The following PVT1 variants were observed in gnomAD, a reference collection of about 807,000 sequenced individuals.
PVT1 encodes Pvt1 oncogene, also known as CXCR4/PVT1 fusion.
At chr8:128,091,347 G>T (rs1043725476) in intron 5 of PVT1, among the ~76,000 whole-genome samples, 20 of 152,148 alleles carry the variant, frequency 1.3e-4, no homozygotes, top group African/African-American at 4.8e-4. Flanking sequence ...AGCCTGCACT[G>T]CTATGGGTGA....
At chr8:127,806,240 A>C (rs1368522713) in intron 2 of PVT1, among the ~76,000 whole-genome samples, 1 of 152,150 alleles carries the variant, frequency 6.6e-6, no homozygotes, top group Non-Finnish European at 1.5e-5. Flanking sequence ...AGGCGGGCGG[A>C]TCACAAGGTC....
At chr8:128,036,084 C>T (rs1287476555) in intron 4 of PVT1, among the ~76,000 whole-genome samples, 1 of 152,192 alleles carries the variant, frequency 6.6e-6, no homozygotes, top group African/African-American at 2.4e-5. Context: ...CACCACTTCC[C>T]TAGTGATGAA....
chr8:128,091,430 G>A (rs1441230946), intron 5 of PVT1, among the ~76,000 whole-genome samples: 3 of 152,074 alleles, frequency 2.0e-5, no homozygotes, highest in African/African-American at 4.8e-5. Context: ...ATCCTCCAGC[G>A]CCCACATCAC....
chr8:127,944,578 C>T lies in PVT1; in HGVS notation n.783-44584C>T, dbSNP rs116649914. Among the ~76,000 whole-genome samples, 476 of 149,868 alleles carry T rather than the reference C, an allele frequency of 3.2e-3. 1 individual carries two copies. Among genetic ancestry groups the T allele is most frequent in the African/African-American group, 0.011 (457 of 40,844 alleles). ...CATTTTTTTTTTTTTTAAATGGTGA[C>T]CCAAGTTCCATTATGGACGATCAGG... is the stretch of plus-strand genomic sequence containing the variant. On this transcript the variant is annotated intron_variant and non_coding_transcript_variant, in intron 3 of 10. Transcript: ENST00000651587.
intron 3 of PVT1, among the ~76,000 whole-genome samples, chr8:127,971,992 A>G (rs902951671): frequency 6.6e-6 from 1 of 152,234 alleles, no homozygotes. Context: ...CGCCCTTGGA[A>G]AAGCCAGTCT....
At chr8:127,930,499 A>T (rs1816192937) in intron 3 of PVT1, among the ~76,000 whole-genome samples, 1 of 152,140 alleles carries the variant, frequency 6.6e-6, no homozygotes, top group African/African-American at 2.4e-5. Flanking sequence ...CCGGGTTTGA[A>T]TTCTGACCCT....
At chr8:127,815,102 A>T (rs1814643985) in intron 2 of PVT1, among the ~76,000 whole-genome samples, 1 of 152,020 alleles carries the variant, frequency 6.6e-6, no homozygotes, top group African/African-American at 2.4e-5. Flanking sequence ...AGTAGCTGGG[A>T]TTATAGTCGT....
intron 4 of PVT1, among the ~76,000 whole-genome samples, chr8:128,058,917 C>T (rs1704533835): frequency 1.3e-5 from 2 of 152,188 alleles, no homozygotes; most frequent in South Asian, 4.1e-4. Context: ...TGGCTGTTCT[C>T]AGGCCATCAT....
chr8:128,023,860 A>G (rs1460200772), intron 4 of PVT1, among the ~76,000 whole-genome samples: 1 of 152,236 alleles, frequency 6.6e-6, no homozygotes, highest in African/African-American at 2.4e-5. Context: ...ACAGCTTGAC[A>G]TCAGTATCAG....
intron 3 of PVT1, among the ~76,000 whole-genome samples, chr8:127,913,790 C>T (rs1451002181): frequency 1.3e-5 from 2 of 152,122 alleles, no homozygotes; most frequent in Non-Finnish European, 2.9e-5. Context: ...CCCTTAATCT[C>T]TTCTAACCTT....
intron 4 of PVT1, among the ~76,000 whole-genome samples, chr8:128,028,939 C>T (rs1259134304): frequency 1.3e-5 from 2 of 152,132 alleles, no homozygotes; most frequent in African/African-American, 4.8e-5. Context: ...ACCTCCTGGG[C>T]TCAAGCAATC....
chr8:127,982,550 C>T (rs916335163), intron 3 of PVT1, among the ~76,000 whole-genome samples: 2 of 151,912 alleles, frequency 1.3e-5, no homozygotes, highest in Admixed American at 1.3e-4. Context: ...TGGCTCATGC[C>T]TGTGATCTCA....
chr8:127,812,992 T>G (rs1814615690), intron 2 of PVT1, among the ~76,000 whole-genome samples: 1 of 151,868 alleles, frequency 6.6e-6, no homozygotes, highest in East Asian at 1.9e-4. Flanking sequence ...AATGATAATA[T>G]AGCATTAATA....
intron 4 of PVT1, among the ~76,000 whole-genome samples, chr8:128,047,880 T>C (rs1466371531): frequency 6.6e-6 from 1 of 152,234 alleles, no homozygotes; most frequent in Non-Finnish European, 1.5e-5. Flanking sequence ...ATACAATTTT[T>C]ATTTGTGAAT....
chr8:127,880,313 C>T (rs895362088), intron 2 of PVT1, among the ~76,000 whole-genome samples: 8 of 151,906 alleles, frequency 5.3e-5, no homozygotes, highest in Non-Finnish European at 1.0e-4. Flanking sequence ...TTCTTTGAGA[C>T]GGAGTCTTGC....
chr8:128,031,476 G>A (rs191953266), intron 4 of PVT1, among the ~76,000 whole-genome samples: 7 of 152,152 alleles, frequency 4.6e-5, no homozygotes, highest in African/African-American at 1.7e-4. Flanking sequence ...ACGTTGCCAG[G>A]GCCCCTGGTA....
chr8:128,081,453 T>C (rs1814176696), intron 5 of PVT1, among the ~76,000 whole-genome samples: 1 of 152,220 alleles, frequency 6.6e-6, no homozygotes. Context: ...TTTAGCTCAT[T>C]AGGAAACTGC....
At chr8:127,948,569 C>A (rs1292929148) in intron 3 of PVT1, 1 of 153,398 alleles carries the variant, frequency 6.5e-6, no homozygotes, top group African/African-American at 2.4e-5. Flanking sequence ...TGACTGTGTT[C>A]GGAAATAGGG....
chr8:127,864,070 A>G (rs1166283047), intron 2 of PVT1, among the ~76,000 whole-genome samples: 1 of 152,214 alleles, frequency 6.6e-6, no homozygotes, highest in Admixed American at 6.5e-5. Context: ...CTGCCATCCA[A>G]GGGGAAAGAA....
Sources: gnomAD v4.1 joint callset for allele counts (sites outside exome capture counted in the v4.1 genomes callset) on GRCh38, gnomAD v4.1.1 for gene constraint, MANE v1.5 for transcripts, NCBI Gene and HGNC (gene_info 2026-07-23, HGNC 2026-07-21) for gene names.